Variants in CENPQ observed in about 807,000 individuals in gnomAD.
The protein encoded by CENPQ is centromere protein Q.
In CENPQ, 27 loss-of-function variants were observed where a neutral mutation model predicts 36.6. That is an observed-to-expected ratio of 0.74 (90% CI 0.54 to 1.02). The LOEUF (loss-of-function observed/expected upper bound fraction) is 1.02. Ranked by LOEUF, CENPQ falls within the 50% of genes least tolerant of loss-of-function variation. The pLI, the probability that CENPQ is intolerant of heterozygous loss-of-function variation, is 0.00. For synonymous variants in CENPQ, 101 were observed against 101.7 expected (o/e 0.99, Z 0.04); for missense variants, 306 against 301.8 (o/e 1.01, Z -0.10).
chr6:49,476,636 A>T (rs994229919), intron 5 of CENPQ, among the ~76,000 whole-genome samples: 1 of 152,238 alleles, frequency 6.6e-6, no homozygotes, highest in African/African-American at 2.4e-5. Flanking sequence ...GTGAACAGGC[A>T]TCCTACAGAA....
intron 6 of CENPQ, among the ~76,000 whole-genome samples, chr6:49,481,480 G>C (rs1380482224): frequency 6.6e-6 from 1 of 152,122 alleles, no homozygotes; most frequent in Non-Finnish European, 1.5e-5. Flanking sequence ...GAGTGTTACA[G>C]CTCATAAAGG....
At chr6:49,482,535 T>C (rs909861918) in intron 6 of CENPQ, among the ~76,000 whole-genome samples, 1 of 152,058 alleles carries the variant, frequency 6.6e-6, no homozygotes. Context: ...AAAGTGCCAG[T>C]GGGTCGGTCC....
chr6:49,468,593 T>TA (rs908279824), intron 1 of CENPQ, among the ~76,000 whole-genome samples: 9 of 150,562 alleles, frequency 6.0e-5, no homozygotes, highest in South Asian at 2.1e-4. Flanking sequence ...CAAGACTTCT[T>TA]AAAAAAAAAG....
intron 8 of CENPQ, among the ~76,000 whole-genome samples, chr6:49,491,552 C>T (rs576310395): frequency 5.3e-5 from 8 of 152,036 alleles, no homozygotes; most frequent in Non-Finnish European, 1.0e-4. Flanking sequence ...TCCAAGGGCT[C>T]TAGTAGACAT....
At chr6:49,486,875 G>C (rs964905463) in intron 6 of CENPQ, among the ~76,000 whole-genome samples, 3 of 151,878 alleles carry the variant, frequency 2.0e-5, no homozygotes, top group Non-Finnish European at 4.4e-5. Flanking sequence ...GGCCAGGCGT[G>C]GTGGCTCACG....
Position 49,484,857 on chromosome 6 carries a change from A to G in CENPQ, c.478-3495A>G, listed in dbSNP as rs557395379. On this transcript the variant is annotated intron_variant, in intron 6 of 8. Coordinates refer to ENST00000335783, the MANE Select transcript of CENPQ (RefSeq NM_018132.4). ...CTAGCTTCATCACCTAAACACTTAG[A>G]TGACGTTTATTTAGGTTATTTTAAA... Among the ~76,000 whole-genome samples the G allele has an allele frequency of 3.9e-5, 6 of 152,298 alleles. No individual in the cohort carries two copies. In the East Asian group the frequency reaches 1.2e-3, roughly 29 times the overall value.
In CENPQ at chr6:49,488,487, T is replaced by C; in HGVS notation, c.597+16T>C. On this transcript the variant is annotated intron_variant, in intron 7 of 8. Transcript: ENST00000335783. ...AGTAAAACAGGTAATTATTTTAAAC[T>C]GTATTATTGGAATTTGGATATAATT... is the stretch of plus-strand genomic sequence containing the variant. 1 of 1,607,802 alleles carries C rather than the reference T, an allele frequency of 6.2e-7. No individual in the cohort carries two copies.
intron 5 of CENPQ, among the ~76,000 whole-genome samples, chr6:49,476,004 G>A (rs1045458681): frequency 4.0e-5 from 6 of 151,830 alleles, no homozygotes; most frequent in African/African-American, 1.5e-4. Context: ...ACTGCCCAAG[G>A]TAATTTATAG....
chr6:49,468,686 T>C (rs1326156679), intron 1 of CENPQ, among the ~76,000 whole-genome samples: 1 of 152,216 alleles, frequency 6.6e-6, no homozygotes, highest in Non-Finnish European at 1.5e-5. Context: ...TCACTTCTAC[T>C]ATATTCTACT....
chr6:49,471,553 A>G (rs1461758024), intron 3 of CENPQ, among the ~76,000 whole-genome samples: 1 of 152,056 alleles, frequency 6.6e-6, no homozygotes, highest in Non-Finnish European at 1.5e-5. Flanking sequence ...TATGCTTTGC[A>G]CACCTATAAT....
intron 1 of CENPQ, among the ~76,000 whole-genome samples, chr6:49,463,671 A>G (rs575083555): frequency 2.8e-4 from 43 of 151,976 alleles, no homozygotes; most frequent in African/African-American, 6.5e-4. Context: ...AATACTTCCT[A>G]TTTCTCCCGA....
Position 49,470,198 on chromosome 6 carries a change from T to C in CENPQ, c.22T>C (p.Ser8Pro), listed in dbSNP as rs762968545. 3.1e-6 allele frequency: 5 copies of C among 1,608,100 alleles called. No individual in the cohort carries two copies. In the South Asian group the frequency reaches 5.5e-5, roughly 18 times the overall value. ...CAAGATGTCTGGTAAAGCAAATGCTTCCAAGAAAAACGCTCAACAGTTAAA... is the reference window on the plus strand; with the variant it reads ...CAAGATGTCTGGTAAAGCAAATGCTCCCAAGAAAAACGCTCAACAGTTAAA... MSGKANA[S>P]KKNAQQLKRN... The change falls in exon 2 of 9, where the codon TCC becomes CCC. Residue 8 changes from serine (S) to proline (P), a missense_variant. Coordinates refer to ENST00000335783, the MANE Select transcript of CENPQ (RefSeq NM_018132.4).
Position 49,483,562 on chromosome 6 carries a change from C to T in CENPQ, c.477+2482C>T, listed in dbSNP as rs192112107. Among the ~76,000 whole-genome samples, 580 of 152,304 alleles carry T rather than the reference C, an allele frequency of 3.8e-3. 5 individuals are homozygous for T. The highest frequency in any genetic ancestry group is 0.012 in the African/African-American group (508 of 41,578). On this transcript the variant is annotated intron_variant, in intron 6 of 8. Coordinates refer to ENST00000335783, the MANE Select transcript of CENPQ (RefSeq NM_018132.4). ...GGGCTGCAGGTCCCAAGCCCTGCCC[C>T]ACAGGGAGGCAGCTAAGGCCCAGCG...
At chr6:49,480,095 A>C (rs1768392718) in intron 5 of CENPQ, among the ~76,000 whole-genome samples, 1 of 152,164 alleles carries the variant, frequency 6.6e-6, no homozygotes, top group Non-Finnish European at 1.5e-5. Flanking sequence ...CCTGAATCTA[A>C]AATAAAAGAT....
chr6:49,477,566 T>TAA (rs991546144), intron 5 of CENPQ, among the ~76,000 whole-genome samples: 43 of 132,522 alleles, frequency 3.2e-4, no homozygotes, highest in South Asian at 7.1e-4. Context: ...TAAAGTATAA[T>TAA]AAAAAAAAAA....
At chr6:49,476,784 GAA>G (rs1038634373) in intron 5 of CENPQ, among the ~76,000 whole-genome samples, 56 of 152,278 alleles carry the variant, frequency 3.7e-4, no homozygotes, top group African/African-American at 1.2e-3. Flanking sequence ...CTTCTCAAAA[GAA>G]GACATTTATG....
intron 2 of CENPQ, 82 bp from the exon 3 acceptor site, chr6:49,470,892 T>C: frequency 1.4e-6 from 1 of 706,812 alleles, no homozygotes; most frequent in South Asian, 3.4e-5. Flanking sequence ...CTTTGACATA[T>C]ATAAAAATCT....
chr6:49,476,683 G>T (rs201847151), intron 5 of CENPQ, among the ~76,000 whole-genome samples: 1 of 152,150 alleles, frequency 6.6e-6, no homozygotes, highest in African/African-American at 2.4e-5. Flanking sequence ...ATCTGACAAA[G>T]GGCTAATATC....
At chr6:49,491,567 G>A (rs1768722891) in intron 8 of CENPQ, among the ~76,000 whole-genome samples, 1 of 152,144 alleles carries the variant, frequency 6.6e-6, no homozygotes, top group Non-Finnish European at 1.5e-5. Flanking sequence ...AGACATTGTA[G>A]TATAAATGTT....
Sources: allele counts gnomAD v4.1 joint callset (sites outside exome capture counted in the v4.1 genomes callset), GRCh38; gene constraint gnomAD v4.1.1; transcripts MANE v1.5; gene names NCBI Gene and HGNC (gene_info 2026-07-23, HGNC 2026-07-21).